Variants in ZNF700 observed in about 807,000 individuals in gnomAD.
ZNF700 encodes the protein zinc finger protein 700.
ZNF700 carries 38 observed loss-of-function variants against 65.3 expected under a neutral mutation model. The observed-to-expected ratio is 0.58, with a 90% confidence interval of 0.45 to 0.76. ZNF700 has a LOEUF of 0.76. Ranked by LOEUF, ZNF700 falls within the 30% of genes least tolerant of loss-of-function variation. ZNF700 has a pLI of 0.00. For synonymous variants in ZNF700, 285 were observed against 290.4 expected, an observed-to-expected ratio of 0.98 and a Z score of 0.19; for missense variants, 857 against 888.4, an observed-to-expected ratio of 0.96 and a Z score of 0.45.
Position 11,949,631 on chromosome 19 carries a change from A to G in ZNF700, c.1607A>G (p.Tyr536Cys). ...AAAACTCACACTGGAGAGAAACCCT[A>G]TGAATGCAACCAATGTGGTAAAGCC... Reference protein sequence around the residue: ...HEKTHTGEKPYECNQCGKAFR... With the variant: ...HEKTHTGEKPCECNQCGKAFR... The change falls in exon 4 of 4, where the codon TAT (tyrosine) becomes TGT (cysteine). Residue 536 changes from tyrosine to cysteine, a missense_variant. Around this residue, in one of 3 missense-constraint regions of ZNF700, gnomAD observed 251 missense variants for 250.3 expected, o/e 1.00. Transcript: ENST00000254321. The G allele has an allele frequency of 1.2e-6, 2 of 1,613,994 alleles. No homozygotes were observed. Among genetic ancestry groups the G allele is most frequent in the Non-Finnish European group, 1.7e-6 (2 of 1,179,964 alleles).
At position 11,948,677 on chromosome 19, in the gene ZNF700, G is replaced by A; in HGVS notation, c.653G>A (p.Gly218Glu). 6.2e-7 allele frequency: 1 copy of A among 1,612,006 alleles called. No homozygotes were observed. Among genetic ancestry groups the A allele is most frequent in the Non-Finnish European group, 8.5e-7 (1 of 1,179,564 alleles). Residue 218 changes from glycine (G) to glutamate (E), a missense_variant, in exon 4 of 4, where the codon GGG (glycine) becomes GAG (glutamate). This residue lies in a region of ZNF700 where 603 missense variants were observed against 619.9 expected (regional missense o/e 0.97). Transcript: ENST00000254321. ...SIRRHMVMHS[G>E]DGTYKCKFCG... ...CGAAGACACATGGTAATGCACAGTG[G>A]GGATGGAACTTATAAATGTAAATTT...
intron 3 of ZNF700, 90 bp downstream of exon 3, chr19:11,947,664 A>G (rs902749001): frequency 2.5e-6 from 3 of 1,207,292 alleles, no homozygotes; most frequent in Non-Finnish European, 3.6e-6. Context: ...AAAGAACTAA[A>G]TCCAGCATCA....
chr19:11,927,694 A>G (rs1033716434), intron 1 of ZNF700, among the ~76,000 whole-genome samples: 11 of 152,348 alleles, frequency 7.2e-5, no homozygotes, highest in African/African-American at 2.2e-4. Flanking sequence ...GCATTAAAAC[A>G]TAACTATAAT....
chr19:11,927,395 G>A (rs1218388694), intron 1 of ZNF700, among the ~76,000 whole-genome samples: 2 of 149,320 alleles, frequency 1.3e-5, no homozygotes, highest in Non-Finnish European at 3.0e-5. Flanking sequence ...GACCAACCTG[G>A]CCAACACAGC....
chr19:11,950,321 G>T lies in ZNF700; in HGVS notation c.*68G>T, dbSNP rs1973047401. ...AAGCACTATGAATGCAAGCAATGTG[G>T]CAAAACTTTCACATTTTCCAGTTCT... is the stretch of plus-strand genomic sequence containing the variant. On this transcript the variant is annotated 3_prime_UTR_variant, in exon 4 of 4. Coordinates refer to ENST00000254321, the MANE Select transcript of ZNF700 (RefSeq NM_144566.3). 6.7e-7 allele frequency: 1 copy of T among 1,503,158 alleles called. No homozygotes were observed. The highest frequency in any genetic ancestry group is 1.2e-5 in the South Asian group (1 of 83,182). 93.1% of individuals were successfully genotyped at this position (1,503,158 alleles called of 1,614,324 possible).
chr19:11,946,853 A>G (rs1972967099), intron 1 of ZNF700: 2 of 244,642 alleles, frequency 8.2e-6, no homozygotes, highest in Non-Finnish European at 1.5e-5. Context: ...GGTAAAGGTC[A>G]CTCACGCGTG....
intron 1 of ZNF700, among the ~76,000 whole-genome samples, chr19:11,942,824 T>G (rs1972906437): frequency 6.6e-6 from 1 of 152,186 alleles, no homozygotes; most frequent in Non-Finnish European, 1.5e-5. Context: ...TGACTATTGA[T>G]CTCATTTCTG....
chr19:11,948,889 A>G lies in ZNF700; in HGVS notation c.865A>G (p.Ser289Gly), dbSNP rs767175779. 2 of 1,600,812 alleles carry G rather than the reference A, an allele frequency of 1.2e-6. No individual in the cohort carries two copies. The highest frequency in any genetic ancestry group is 1.7e-6 in the Non-Finnish European group (2 of 1,177,192). Residue 289 changes from serine to glycine, a missense_variant, in exon 4 of 4, where the codon AGT becomes GGT. Physicochemically the swap from Ser to Gly is moderately conservative, Grantham distance 56. This residue lies in a region of ZNF700 where 603 missense variants were observed against 619.9 expected (regional missense o/e 0.97). Coordinates refer to ENST00000254321, the MANE Select transcript of ZNF700 (RefSeq NM_144566.3). ...TAGCAAATGTGATAAAGCATTTCAT[A>G]GTTCTAGTTCCTATCATAGACATGA... is the stretch of plus-strand genomic sequence containing the variant. ...ECSKCDKAFH[S>G]SSSYHRHERS...
chr19:11,950,473 G>T lies in ZNF700; in HGVS notation c.*220G>T. On this transcript the variant is annotated 3_prime_UTR_variant, in exon 4 of 4. Coordinates refer to ENST00000254321, the MANE Select transcript of ZNF700 (RefSeq NM_144566.3). ...GACTCACACGGGAGAGAAACCCTAT[G>T]AGTGTATTCTAGTTCCGTTTGATAT... 1.5e-6 allele frequency: 1 copy of T among 680,602 alleles called. No homozygotes were observed. The highest frequency in any genetic ancestry group is 1.7e-5 in the South Asian group (1 of 60,452). 42.2% of individuals were successfully genotyped at this position (680,602 alleles called of 1,614,324 possible).
chr19:11,936,919 T>C (rs1188062587), intron 1 of ZNF700, among the ~76,000 whole-genome samples: 12 of 152,358 alleles, frequency 7.9e-5, no homozygotes, highest in African/African-American at 2.6e-4. Context: ...TAGCCAGTTC[T>C]CCCAGCACCA....
In ZNF700 at chr19:11,947,304, ATAGGT is replaced by A; in HGVS notation, c.188_190+2del. 1.2e-6 allele frequency: 2 copies of A among 1,613,794 alleles called. No individual in the cohort carries two copies. Among genetic ancestry groups the A allele is most frequent in the Non-Finnish European group, 1.7e-6 (2 of 1,179,942 alleles). On this transcript the variant is annotated splice_donor_variant and coding_sequence_variant, in exon 2 of 4. Transcript: ENST00000254321. LOFTEE classifies it high-confidence loss of function. ...GGAAACTTTCAGGAACCTGACCTCT[ATAGGT>A]AAGGATGACAATATTCCTTCCGTCA...
At position 11,948,765 on chromosome 19, in the gene ZNF700, G is replaced by T. The variant is rs373472849; in HGVS notation, c.741G>T (p.Glu247Asp). 5.6e-6 allele frequency: 9 copies of T among 1,611,152 alleles called. No individual in the cohort carries two copies. Among genetic ancestry groups the T allele is most frequent in the Non-Finnish European group, 6.8e-6 (8 of 1,179,430 alleles). The change falls in exon 4 of 4, where the codon GAG becomes GAT. Residue 247 changes from glutamate (E) to aspartate (D), a missense_variant. Around this residue, in one of 3 missense-constraint regions of ZNF700, gnomAD observed 603 missense variants for 619.9 expected, o/e 0.97. Transcript: ENST00000254321. Reference sequence around the variant, plus strand: ...TCCATGAAAGAACTCACACTGGAGAGAAACCATATGAATGTAAACAATGTG... The same window carrying T: ...TCCATGAAAGAACTCACACTGGAGATAAACCATATGAATGTAAACAATGTG... ...YLIHERTHTG[E>D]KPYECKQCGK...
Position 11,925,194 on chromosome 19 carries a change from G to A in ZNF700, c.-17G>A, listed in dbSNP as rs201166136. The A allele has an allele frequency of 1.2e-6, 2 of 1,611,306 alleles. No individual in the cohort carries two copies. The highest frequency in any genetic ancestry group is 1.7e-5 in the Admixed American group (1 of 59,916). ...TGGTGCCTGTACCCAGGCTTCTGTCGCTCTGTCGCCTGCGCTATGCCCTGC... is the reference window on the plus strand; with the variant it reads ...TGGTGCCTGTACCCAGGCTTCTGTCACTCTGTCGCCTGCGCTATGCCCTGC... On this transcript the variant is annotated 5_prime_UTR_variant, in exon 1 of 4. Transcript: ENST00000254321.
At chr19:11,945,220 C>T (rs1004091901) in intron 1 of ZNF700, among the ~76,000 whole-genome samples, 2 of 152,200 alleles carry the variant, frequency 1.3e-5, no homozygotes, top group East Asian at 3.9e-4. Flanking sequence ...AAAAGGTTCC[C>T]AGCACCCCTC....
chr19:11,942,918 T>G (rs569771439), intron 1 of ZNF700, among the ~76,000 whole-genome samples: 5 of 152,182 alleles, frequency 3.3e-5, no homozygotes, highest in African/African-American at 9.7e-5. Flanking sequence ...TTCCCCCCTT[T>G]GAGAATCTCA....
At chr19:11,946,268 CTT>C (rs1972957160) in intron 1 of ZNF700, among the ~76,000 whole-genome samples, 1 of 152,082 alleles carries the variant, frequency 6.6e-6, no homozygotes, top group Non-Finnish European at 1.5e-5. Flanking sequence ...CACATTCTCT[CTT>C]GTCTGTTCTG....
chr19:11,946,914 C>T (rs1271224961), intron 1 of ZNF700: 9 of 493,146 alleles, frequency 1.8e-5, no homozygotes, highest in Non-Finnish European at 2.8e-5. Flanking sequence ...GCAGGAGAAT[C>T]GCTTGAACCC....
At chr19:11,935,261 G>C (rs756627092) in intron 1 of ZNF700, among the ~76,000 whole-genome samples, 20 of 110,656 alleles carry the variant, frequency 1.8e-4, no homozygotes, top group Non-Finnish European at 3.3e-4. Context: ...TTTTGAGACT[G>C]TGTCTGGCTC....
At chr19:11,938,170 A>T (rs1972826533) in intron 1 of ZNF700, among the ~76,000 whole-genome samples, 1 of 151,538 alleles carries the variant, frequency 6.6e-6, no homozygotes, top group African/African-American at 2.4e-5. Flanking sequence ...CCAGGTTCAA[A>T]TGATTCTCCT....
Sources: allele counts gnomAD v4.1 joint callset (sites outside exome capture counted in the v4.1 genomes callset), GRCh38; gene constraint gnomAD v4.1.1; regional missense constraint gnomAD v4.1.1; transcripts MANE v1.5; gene names NCBI Gene and HGNC (gene_info 2026-07-23, HGNC 2026-07-21).